Variants in AGT observed in about 807,000 individuals in gnomAD.
AGT encodes alpha-1 antiproteinase, antitrypsin.
AGT carries 26 observed loss-of-function variants against 28.1 expected under a neutral mutation model. That is an observed-to-expected ratio of 0.92 (90% CI 0.68 to 1.28). The LOEUF is 1.28. AGT is among the 50% of genes most tolerant of loss of function. AGT has a pLI of 0.00. For missense variants in AGT, 596 were observed against 592.3 expected (o/e 1.01, Z -0.06); for synonymous variants, 259 against 259.6 (o/e 1.00, Z 0.02).
At chr1:230,724,493 A>G (rs1328336632) in intron 1 of AGT, among the ~76,000 whole-genome samples, 2 of 152,330 alleles carry the variant, frequency 1.3e-5, no homozygotes, top group African/African-American at 2.4e-5. Context: ...TTATAGGTAG[A>G]AATAGTCACT....
intron 1 of AGT, among the ~76,000 whole-genome samples, chr1:230,740,130 C>T (rs1664221418): frequency 1.3e-5 from 2 of 152,198 alleles, no homozygotes; most frequent in South Asian, 4.1e-4. Context: ...TAGAGGATGA[C>T]TTCCTGACAT....
At chr1:230,708,049 G>A (rs565599613) in intron 2 of AGT, among the ~76,000 whole-genome samples, 1 of 152,174 alleles carries the variant, frequency 6.6e-6, no homozygotes, top group Admixed American at 6.5e-5. Context: ...AAACCTAGAG[G>A]TCCCGAGACA....
chr1:230,743,720 G>A lies in AGT; in HGVS notation c.-31+1795C>T, dbSNP rs567038031. Among the ~76,000 whole-genome samples the A allele has an allele frequency of 1.1e-3, 163 of 152,336 alleles. 1 individual carries two copies. Among genetic ancestry groups the A allele is most frequent in the African/African-American group, 3.8e-3 (157 of 41,576 alleles). ...CAGGCCCTGCTGTAAGGCCTGGACC[G>A]GGTGGGGTCCTAGAGGTCATCTCCC... On this transcript the variant is annotated intron_variant, in intron 1 of 4. Coordinates refer to the AGT transcript ENST00000681269.
intron 1 of AGT, among the ~76,000 whole-genome samples, chr1:230,734,891 T>G (rs531356377): frequency 1.3e-5 from 2 of 151,862 alleles, no homozygotes; most frequent in African/African-American, 2.4e-5. Flanking sequence ...TTTTTTTGTA[T>G]GTTTAGTAGA....
rs116241057 is a variant in AGT at position 230,737,272 on chromosome 1, G to A, written c.-31+8243C>T. On this transcript the variant is annotated intron_variant, in intron 1 of 4. Transcript: ENST00000681269. ...GAGTCATCTGCACAAAGTGCCATGC[G>A]TAGGTGACTACTAAGAATAATACTT... 5.1e-3 allele frequency among the ~76,000 whole-genome samples: 775 copies of A among 152,106 alleles called. 9 individuals carry two copies. Among genetic ancestry groups the A allele is most frequent in the Middle Eastern group, 6.8e-3 (2 of 294 alleles).
chr1:230,727,203 A>G (rs934444573), intron 1 of AGT, among the ~76,000 whole-genome samples: 4 of 152,170 alleles, frequency 2.6e-5, no homozygotes, highest in African/African-American at 9.7e-5. Flanking sequence ...ATGTTGAGGC[A>G]AGAGAAAAAC....
chr1:230,740,238 G>T (rs1664223369), intron 1 of AGT, among the ~76,000 whole-genome samples: 1 of 152,210 alleles, frequency 6.6e-6, no homozygotes, highest in Non-Finnish European at 1.5e-5. Flanking sequence ...AGGACGAACA[G>T]AGGTCACTTT....
At chr1:230,736,346 AC>A in intron 1 of AGT, among the ~76,000 whole-genome samples, 1 of 151,934 alleles carries the variant, frequency 6.6e-6, no homozygotes, top group South Asian at 2.1e-4. Context: ...ACACGGTGAA[AC>A]CCCATCTCTA....
rs116170266 is a variant in AGT, at chr1:230,727,486, T to C, written c.-30-16633A>G. 1.9e-3 allele frequency among the ~76,000 whole-genome samples: 297 copies of C among 152,312 alleles called. 3 individuals carry two copies. Among genetic ancestry groups the C allele is most frequent in the African/African-American group, 6.9e-3 (288 of 41,560 alleles). On this transcript the variant is annotated intron_variant, in intron 1 of 4. Transcript: ENST00000681269. ...AATAGACTGCAGTTACAGAGGAGAT[T>C]AGAAAATTGAGAGGGAATACTAGGG...
intron 1 of AGT, among the ~76,000 whole-genome samples, chr1:230,735,198 C>T (rs1664136270): frequency 6.6e-6 from 1 of 152,120 alleles, no homozygotes; most frequent in Non-Finnish European, 1.5e-5. Flanking sequence ...TTAAGGGCCT[C>T]ACTGAACGCT....
chr1:230,707,811 T>G (rs2493132), intron 2 of AGT, among the ~76,000 whole-genome samples: 1 of 151,970 alleles, frequency 6.6e-6, no homozygotes, highest in African/African-American at 2.4e-5. Flanking sequence ...TCGTCTGACA[T>G]GCACAGCTCA....
intron 1 of AGT, among the ~76,000 whole-genome samples, chr1:230,740,005 T>G (rs1032799468): frequency 6.6e-6 from 1 of 152,088 alleles, no homozygotes; most frequent in African/African-American, 2.4e-5. Flanking sequence ...CTCAACTGAG[T>G]ATACTTAGGG....
At chr1:230,742,429 C>T (rs796159048) in intron 1 of AGT, among the ~76,000 whole-genome samples, 2 of 152,292 alleles carry the variant, frequency 1.3e-5, no homozygotes, top group South Asian at 2.1e-4. Flanking sequence ...AATTCTCCTA[C>T]CTCTGCCTCC....
chr1:230,713,924 C>A (rs1663666481), intron 1 of AGT, among the ~76,000 whole-genome samples, 162 bp downstream of exon 1: 1 of 152,110 alleles, frequency 6.6e-6, no homozygotes, highest in Non-Finnish European at 1.5e-5. Flanking sequence ...CAGGTGGGCA[C>A]CGAGTGGGGG....
chr1:230,703,124 G>T lies in AGT; in HGVS notation c.*17C>A. The T allele has an allele frequency of 6.2e-7, 1 of 1,612,594 alleles. No individual in the cohort carries two copies. Among genetic ancestry groups the T allele is most frequent in the Non-Finnish European group, 8.5e-7 (1 of 1,179,706 alleles). ...GGGCAGAGGCCTTGCCAGGCACTGT[G>T]TTCTGGGGCCCTGGCCTCATGCTGT... On this transcript the variant is annotated 3_prime_UTR_variant, in exon 5 of 5. Coordinates refer to ENST00000366667, the MANE Select transcript of AGT (RefSeq NM_001384479.1).
chr1:230,730,921 C>A (rs1197444745), intron 1 of AGT, among the ~76,000 whole-genome samples: 1 of 152,148 alleles, frequency 6.6e-6, no homozygotes, highest in Non-Finnish European at 1.5e-5. Context: ...TGTATTCATC[C>A]ACTGAAACTG....
In AGT at chr1:230,710,625, T is replaced by C. The variant is rs763626003; in HGVS notation, c.199A>G (p.Thr67Ala). 15 of 1,614,238 alleles carry C rather than the reference T, an allele frequency of 9.3e-6. No individual in the cohort carries two copies. Among genetic ancestry groups the C allele is most frequent in the Non-Finnish European group, 1.3e-5 (15 of 1,180,044 alleles). The change falls in exon 2 of 5, where the codon ACA (threonine) becomes GCA (alanine). Residue 67 changes from threonine to alanine, a missense_variant. Transcript: ENST00000366667. ...TFIPAPIQAK[T>A]SPVDEKALQD... ...AGGGCCTTTTCATCCACAGGGGATGTCTTGGCCTGAATTGGAGCAGGTATG... is the reference window on the plus strand; with the variant it reads ...AGGGCCTTTTCATCCACAGGGGATGCCTTGGCCTGAATTGGAGCAGGTATG...
intron 1 of AGT, among the ~76,000 whole-genome samples, chr1:230,744,763 G>C (rs185730265): frequency 6.6e-6 from 1 of 152,346 alleles, no homozygotes; most frequent in Admixed American, 6.5e-5. Flanking sequence ...TGTATCGGGA[G>C]GAGAATGAGA....
At position 230,703,258 on chromosome 1, in the gene AGT, G is replaced by T. The variant is rs760807040; in HGVS notation, c.1314C>A (p.Asn438Lys). The T allele has an allele frequency of 2.5e-6, 4 of 1,614,224 alleles. No homozygotes were observed. The highest frequency in any genetic ancestry group is 1.1e-5 in the South Asian group (1 of 91,082). The part of the protein sequence containing the change: ...REPTESTQQL[N>K]KPEVLEVTLN... ...GGGTCACCTCCAAGACCTCAGGCTT[G>T]TTAAGCTGTTGGGTAGACTCTGTGG... Residue 438 changes from asparagine (N) to lysine (K), a missense_variant, in exon 5 of 5, where the codon AAC becomes AAA. Coordinates refer to ENST00000366667, the MANE Select transcript of AGT (RefSeq NM_001384479.1).
Sources: gnomAD v4.1 joint callset for allele counts (sites outside exome capture counted in the v4.1 genomes callset) on GRCh38, gnomAD v4.1.1 for gene constraint, MANE v1.5 for transcripts, NCBI Gene and HGNC (gene_info 2026-07-23, HGNC 2026-07-21) for gene names.